DLG1: variants seen among roughly 807,000 people sequenced by gnomAD.
DLG1 encodes disks large homolog 1.
A neutral mutation model predicts 123.4 loss-of-function variants in DLG1; 42 were observed. The observed-to-expected ratio is 0.34, with a 90% CI of 0.27 to 0.44. The LOEUF is 0.44. Ranked by LOEUF, DLG1 falls within the 20% of genes least tolerant of loss-of-function variation. The pLI, the probability that DLG1 is intolerant of heterozygous loss-of-function variation, is 1.00. For synonymous variants in DLG1, 317 were observed against 356.2 expected (o/e 0.89, Z 1.24); for missense variants, 942 against 1,082.6 (o/e 0.87, Z 1.82).
intron 4 of DLG1, among the ~76,000 whole-genome samples, chr3:197,276,199 T>C (rs755656720): frequency 6.6e-6 from 1 of 152,248 alleles, no homozygotes; most frequent in Admixed American, 6.5e-5. Flanking sequence ...TTGCATTAAA[T>C]GGCTCTACCA....
chr3:197,045,712 G>GT (rs1722526645), intron 24 of DLG1, among the ~76,000 whole-genome samples: 1 of 152,122 alleles, frequency 6.6e-6, no homozygotes, highest in Non-Finnish European at 1.5e-5. Context: ...CCATTGGATT[G>GT]TACCATTTGC....
chr3:197,271,024 G>A (rs902258626), intron 4 of DLG1, among the ~76,000 whole-genome samples: 3 of 152,160 alleles, frequency 2.0e-5, no homozygotes, highest in Admixed American at 2.0e-4. Context: ...AAGAAGATAA[G>A]GAAGACTATT....
chr3:197,076,667 G>A lies in DLG1; in HGVS notation c.1924C>T (p.Arg642Cys), dbSNP rs1361393397. 1.7e-5 allele frequency: 27 copies of A among 1,612,036 alleles called. No individual in the cohort carries two copies. Among genetic ancestry groups the A allele is most frequent in the African/African-American group, 4.0e-5 (3 of 74,790 alleles). ...TTTCGGGAAAAGAGGTTCTTTTTACGCTTGTCATTGAATGACTGCTGAAGA... is the reference window on the plus strand; with the variant it reads ...TTTCGGGAAAAGAGGTTCTTTTTACACTTGTCATTGAATGACTGCTGAAGA... ...RDKGQSFNDK[R>C]KKNLFSRKFP... Residue 642 changes from arginine (R) to cysteine (C), a missense_variant, in exon 18 of 25, where the codon CGT (arginine) becomes TGT (cysteine). Arg to Cys is a radical substitution (Grantham distance 180). Coordinates refer to ENST00000667157, the MANE Select transcript of DLG1 (RefSeq NM_001366207.1).
intron 23 of DLG1, among the ~76,000 whole-genome samples, chr3:197,058,362 G>A (rs772340640): frequency 1.3e-5 from 2 of 149,518 alleles, no homozygotes; most frequent in African/African-American, 5.1e-5. Flanking sequence ...ATTTAAAGCT[G>A]TGTGTATTCC....
intron 23 of DLG1, among the ~76,000 whole-genome samples, chr3:197,058,807 T>G (rs1243049427): frequency 6.6e-6 from 1 of 152,254 alleles, no homozygotes; most frequent in Non-Finnish European, 1.5e-5. Flanking sequence ...ATGTTGGAAT[T>G]ACTTTTCGCC....
At chr3:197,164,929 G>A (rs4916460) in intron 5 of DLG1, among the ~76,000 whole-genome samples, 112,847 of 150,368 alleles carry the variant, frequency 0.75, 42,410 homozygotes, top group East Asian at 0.82. Context: ...CTCAAAAAAA[G>A]AAAGAAAGAA....
intron 4 of DLG1, among the ~76,000 whole-genome samples, chr3:197,221,206 G>A (rs61212832): frequency 0.012 from 1,796 of 152,226 alleles, 29 homozygotes; most frequent in African/African-American, 0.04. Flanking sequence ...CTGGAACAAA[G>A]AAGTGAGAAG....
At chr3:197,256,919 A>T (rs1444869704) in intron 4 of DLG1, among the ~76,000 whole-genome samples, 1 of 152,202 alleles carries the variant, frequency 6.6e-6, no homozygotes, top group Non-Finnish European at 1.5e-5. Context: ...ACTAAATTAT[A>T]AGGAAAACGT....
At chr3:197,115,888 G>GA in intron 13 of DLG1, 39 bp downstream of exon 13, 1 of 1,596,416 alleles carries the variant, frequency 6.3e-7, no homozygotes, top group Admixed American at 1.8e-5. Context: ...TAGGTCCAGT[G>GA]AAAATAACAA....
chr3:197,267,260 TA>T (rs1435078787), intron 4 of DLG1, among the ~76,000 whole-genome samples: 1 of 152,154 alleles, frequency 6.6e-6, no homozygotes, highest in African/African-American at 2.4e-5. Context: ...GCCAAGAAGA[TA>T]AAAAATTTTC....
At chr3:197,227,800 T>G (rs1740764758) in intron 4 of DLG1, among the ~76,000 whole-genome samples, 1 of 152,226 alleles carries the variant, frequency 6.6e-6, no homozygotes, top group Non-Finnish European at 1.5e-5. Flanking sequence ...GTTACATTTC[T>G]AAAACAGTAA....
intron 4 of DLG1, among the ~76,000 whole-genome samples, chr3:197,228,707 A>G (rs754761898): frequency 1.3e-5 from 2 of 152,220 alleles, no homozygotes; most frequent in African/African-American, 2.4e-5. Flanking sequence ...AAAGTGTCTT[A>G]GGCTGTTCTG....
intron 4 of DLG1, among the ~76,000 whole-genome samples, chr3:197,251,708 C>A (rs1754524539): frequency 6.6e-6 from 1 of 152,182 alleles, no homozygotes; most frequent in Admixed American, 6.5e-5. Context: ...CAAAAAAACA[C>A]AATCAACAAA....
At chr3:197,233,235 A>C (rs1185761320) in intron 4 of DLG1, among the ~76,000 whole-genome samples, 4 of 152,230 alleles carry the variant, frequency 2.6e-5, no homozygotes, top group Non-Finnish European at 5.9e-5. Flanking sequence ...TAAAAGTGCA[A>C]TACTCATACA....
At chr3:197,145,090 C>G (rs1464646230) in intron 6 of DLG1, among the ~76,000 whole-genome samples, 1 of 151,702 alleles carries the variant, frequency 6.6e-6, no homozygotes, top group Non-Finnish European at 1.5e-5. Flanking sequence ...CGTAAAATCT[C>G]TTTATCTCAG....
chr3:197,247,889 C>T (rs765753362), intron 4 of DLG1, among the ~76,000 whole-genome samples: 1 of 152,266 alleles, frequency 6.6e-6, no homozygotes, highest in East Asian at 1.9e-4. Flanking sequence ...ACCCCACTTA[C>T]TGGAGGTCCC....
chr3:197,180,954 A>C (rs1809966143), intron 5 of DLG1, among the ~76,000 whole-genome samples: 1 of 152,178 alleles, frequency 6.6e-6, no homozygotes, highest in Admixed American at 6.5e-5. Context: ...CCAAACCCTA[A>C]CTGAGAAGCT....
chr3:197,134,763 A>T (rs1420137623), intron 10 of DLG1, among the ~76,000 whole-genome samples: 2 of 152,238 alleles, frequency 1.3e-5, no homozygotes, highest in East Asian at 3.8e-4. Flanking sequence ...TTGACCTGTC[A>T]TACCACTGCA....
chr3:197,283,411 T>A (rs920329981), intron 3 of DLG1, among the ~76,000 whole-genome samples: 2 of 152,156 alleles, frequency 1.3e-5, no homozygotes, highest in Admixed American at 1.3e-4. Flanking sequence ...CTTTCGGATA[T>A]CCTCTAGTCT....
Sources: gnomAD v4.1 joint callset for allele counts (sites outside exome capture counted in the v4.1 genomes callset) on GRCh38, gnomAD v4.1.1 for gene constraint, MANE v1.5 for transcripts, NCBI Gene and HGNC (gene_info 2026-07-23, HGNC 2026-07-21) for gene names.